Variants in NXPH1 observed in about 807,000 individuals in gnomAD.
The protein encoded by NXPH1 is neurexophilin 1.
NXPH1 carries 5 observed loss-of-function variants against 23.7 expected under a neutral mutation model. That is an observed-to-expected ratio of 0.21 (90% CI 0.11 to 0.44). The LOEUF (loss-of-function observed/expected upper bound fraction) is 0.44, where lower values mean the gene tolerates loss of function less well. Among genes scored for constraint, NXPH1 ranks in the 20% least tolerant of loss-of-function variants. NXPH1 has a pLI of 0.99. For synonymous variants in NXPH1, 144 were observed against 122.2 expected (o/e 1.18, Z -1.18); for missense variants, 324 against 321.6 (o/e 1.01, Z -0.06).
At chr7:8,585,784 C>A (rs971179094) in intron 2 of NXPH1, among the ~76,000 whole-genome samples, 1 of 152,210 alleles carries the variant, frequency 6.6e-6, no homozygotes, top group East Asian at 1.9e-4. Flanking sequence ...GGCAGGCAGA[C>A]AGCCAGCCTT....
chr7:8,653,206 G>C (rs10236118), intron 2 of NXPH1, among the ~76,000 whole-genome samples: 1 of 151,774 alleles, frequency 6.6e-6, no homozygotes, highest in Non-Finnish European at 1.5e-5. Context: ...TATTGATTAA[G>C]AATCATCTTT....
intron 2 of NXPH1, among the ~76,000 whole-genome samples, chr7:8,535,621 T>A (rs78587786): frequency 6.6e-6 from 1 of 151,494 alleles, no homozygotes; most frequent in Admixed American, 6.6e-5. Context: ...GGAAGAAAGA[T>A]AGAAAATAAA....
intron 2 of NXPH1, among the ~76,000 whole-genome samples, chr7:8,601,142 T>C (rs1047948763): frequency 6.6e-5 from 10 of 152,100 alleles, no homozygotes; most frequent in Non-Finnish European, 2.9e-5. Context: ...GCCCCTCAGA[T>C]ACCGAGGGAT....
At chr7:8,597,878 A>T (rs956121833) in intron 2 of NXPH1, among the ~76,000 whole-genome samples, 4 of 152,120 alleles carry the variant, frequency 2.6e-5, no homozygotes, top group Non-Finnish European at 4.4e-5. Context: ...TTTAGCAAAC[A>T]AGTGGCACTA....
At chr7:8,463,268 A>T (rs1563317525) in intron 2 of NXPH1, among the ~76,000 whole-genome samples, 1 of 152,010 alleles carries the variant, frequency 6.6e-6, no homozygotes, top group Non-Finnish European at 1.5e-5. Flanking sequence ...TCTTGGAGGT[A>T]TTACCAAATG....
At chr7:8,632,076 C>A (rs1223389108) in intron 2 of NXPH1, among the ~76,000 whole-genome samples, 1 of 152,114 alleles carries the variant, frequency 6.6e-6, no homozygotes. Flanking sequence ...AGCTTTGAGA[C>A]CTTATGTCTG....
chr7:8,723,763 T>C (rs971277603), intron 2 of NXPH1, among the ~76,000 whole-genome samples: 27 of 152,116 alleles, frequency 1.8e-4, no homozygotes, highest in African/African-American at 5.8e-4. Flanking sequence ...TATGGGGAGC[T>C]AGATAATGCG....
intron 2 of NXPH1, among the ~76,000 whole-genome samples, chr7:8,497,488 AG>A (rs1817357057): frequency 6.6e-6 from 1 of 152,156 alleles, no homozygotes; most frequent in African/African-American, 2.4e-5. Flanking sequence ...ACAGTGTAAA[AG>A]TCTTCCTATT....
rs61219039 is a variant in NXPH1, at chr7:8,561,351, GACACACACACACACACACAC to G, written c.54+125597_54+125616del. The stretch of plus-strand genomic sequence containing the variant: ...TTTTGGAGATGAGGGAAGCCTATGT[GACACACACACACACACACAC>G]ACACACACACACCTCTCTCTCTCTT... On this transcript the variant is annotated intron_variant, in intron 2 of 2. Coordinates refer to ENST00000405863, the MANE Select transcript of NXPH1 (RefSeq NM_152745.3). Among the ~76,000 whole-genome samples, 262 of 140,966 alleles carry G rather than the reference GACACACACACACACACACAC, an allele frequency of 1.9e-3. 3 individuals are homozygous for G. Among genetic ancestry groups the G allele is most frequent in the African/African-American group, 6.8e-3 (254 of 37,490 alleles). 92.5% of individuals were successfully genotyped at this position (140,966 alleles called of 152,430 possible). A position where few individuals can be genotyped will look rare whatever the true frequency, so the allele number is the denominator to read the frequency against.
chr7:8,719,517 A>T (rs1490159500), intron 2 of NXPH1, among the ~76,000 whole-genome samples: 1 of 152,260 alleles, frequency 6.6e-6, no homozygotes, highest in Non-Finnish European at 1.5e-5. Context: ...GTGCAAAGTC[A>T]TAATTTCACA....
intron 2 of NXPH1, among the ~76,000 whole-genome samples, chr7:8,470,165 C>A (rs1412208908): frequency 6.6e-6 from 1 of 152,092 alleles, no homozygotes; most frequent in South Asian, 2.1e-4. Flanking sequence ...GGCCATGGCC[C>A]AACATGTCAG....
intron 2 of NXPH1, among the ~76,000 whole-genome samples, chr7:8,673,044 A>T (rs968578162): frequency 2.0e-5 from 3 of 152,204 alleles, no homozygotes; most frequent in African/African-American, 7.2e-5. Context: ...TTACAAAACG[A>T]GGTGATATAT....
chr7:8,720,116 A>G (rs1205571615), intron 2 of NXPH1, among the ~76,000 whole-genome samples: 15 of 55,864 alleles, frequency 2.7e-4, no homozygotes. Context: ...CTTTAACTTG[A>G]AGTTCAAGGA....
At position 8,751,830 on chromosome 7, in the gene NXPH1, A is replaced by G. The variant is rs964126640; in HGVS notation, c.*61A>G. 4.1e-6 allele frequency: 6 copies of G among 1,463,700 alleles called. No individual in the cohort carries two copies. In the African/African-American group the frequency reaches 8.4e-5, roughly 21 times the overall value. 90.7% of individuals were successfully genotyped at this position (1,463,700 alleles called of 1,614,324 possible). A position where few individuals can be genotyped will look rare whatever the true frequency, so the allele number is the denominator to read the frequency against. ...TTAAAGGTCATATGACAGGGCTGTT[A>G]CCTCAAAGAAGAAGGTCACATCTGT... is the stretch of plus-strand genomic sequence containing the variant. On this transcript the variant is annotated 3_prime_UTR_variant, in exon 3 of 3. Transcript: ENST00000405863. This position sits in a 1 kb window ranked among gnomAD's most constrained non-coding sequence, Gnocchi z 4.5.
At chr7:8,594,537 GTTT>G in intron 2 of NXPH1, among the ~76,000 whole-genome samples, 2 of 152,018 alleles carry the variant, frequency 1.3e-5, no homozygotes, top group Non-Finnish European at 2.9e-5. Flanking sequence ...TTAAAAATAT[GTTT>G]CTCTTTGCTT....
chr7:8,544,371 G>A lies in NXPH1; in HGVS notation c.54+108604G>A, dbSNP rs182422929. On this transcript the variant is annotated intron_variant, in intron 2 of 2. Transcript: ENST00000405863. ...CTACCACGATTGTGTCAATCAGAAA[G>A]GTCTTTAGACATTGAAGAATATTCT... 2.6e-3 allele frequency among the ~76,000 whole-genome samples: 389 copies of A among 151,598 alleles called. 5 individuals are homozygous for A. The highest frequency in any genetic ancestry group is 5.8e-3 in the Admixed American group (88 of 15,192).
At chr7:8,482,210 G>T (rs2128609948) in intron 2 of NXPH1, among the ~76,000 whole-genome samples, 1 of 152,298 alleles carries the variant, frequency 6.6e-6, no homozygotes, top group East Asian at 1.9e-4. Flanking sequence ...GTGTTTCCGT[G>T]AGCTTTGCTG....
intron 2 of NXPH1, among the ~76,000 whole-genome samples, chr7:8,621,084 G>T (rs898522040): frequency 8.5e-5 from 13 of 152,114 alleles, no homozygotes; most frequent in Admixed American, 8.5e-4. Context: ...TTATAATTTA[G>T]TTGGTAGAAA....
intron 2 of NXPH1, among the ~76,000 whole-genome samples, chr7:8,648,313 C>G (rs982601426): frequency 5.3e-5 from 8 of 152,164 alleles, no homozygotes; most frequent in Admixed American, 4.6e-4. Context: ...CCAATCCCCC[C>G]ACTACCTTTC....
Sources: allele counts gnomAD v4.1 joint callset (sites outside exome capture counted in the v4.1 genomes callset), GRCh38; gene constraint gnomAD v4.1.1; non-coding constraint Gnocchi (gnomAD v3.1); transcripts MANE v1.5; gene names NCBI Gene and HGNC (gene_info 2026-07-23, HGNC 2026-07-21).